HELLS: variants seen among roughly 807,000 people sequenced by gnomAD.
HELLS encodes helicase, lymphoid specific, also known as lymphoid-specific helicase.
HELLS carries 32 observed loss-of-function variants against 120.0 expected under a neutral mutation model. That is an observed-to-expected ratio of 0.27 (90% CI 0.20 to 0.36). HELLS has a LOEUF of 0.36. Ranked by LOEUF, HELLS falls within the 10% of genes least tolerant of loss-of-function variation. HELLS has a pLI of 1.00. For missense variants in HELLS, 650 were observed against 993.4 expected (o/e 0.65, Z 4.65); for synonymous variants, 341 against 323.4 (o/e 1.05, Z -0.58).
At chr10:94,554,835 T>G (rs781283902) in intron 3 of HELLS, among the ~76,000 whole-genome samples, 65 of 152,014 alleles carry the variant, frequency 4.3e-4, no homozygotes, top group African/African-American at 1.6e-3. Flanking sequence ...ATCAATCACG[T>G]CTATGTTATG....
At chr10:94,556,028 C>G (rs889496288) in intron 3 of HELLS, among the ~76,000 whole-genome samples, 1 of 152,146 alleles carries the variant, frequency 6.6e-6, no homozygotes, top group African/African-American at 2.4e-5. Flanking sequence ...TTGTGGGAAC[C>G]CTGATTTATA....
At chr10:94,569,595 G>A (rs983637489) in intron 6 of HELLS, 1 of 151,832 alleles carries the variant, frequency 6.6e-6, no homozygotes, top group Non-Finnish European at 1.5e-5. Context: ...TTAGGGATGG[G>A]GGCTTGCTGT....
chr10:94,578,070 CAAAAAAAAAAA>C (rs58732872), intron 10 of HELLS, among the ~76,000 whole-genome samples: 7 of 60,856 alleles, frequency 1.2e-4, no homozygotes, highest in Admixed American at 2.4e-4. Flanking sequence ...GACTCCGTCT[CAAAAAAAAAAA>C]AAAAAAAAAA....
intron 2 of HELLS, among the ~76,000 whole-genome samples, chr10:94,547,095 T>C (rs556043341): frequency 6.9e-4 from 105 of 152,326 alleles, no homozygotes; most frequent in African/African-American, 2.2e-3. Flanking sequence ...TTGCTGTAGT[T>C]TTCTTGTAGA....
At chr10:94,578,133 TA>T (rs1844613115) in intron 10 of HELLS, among the ~76,000 whole-genome samples, 1 of 149,916 alleles carries the variant, frequency 6.7e-6, no homozygotes, top group South Asian at 2.1e-4. Flanking sequence ...TGCACATGTT[TA>T]ATGGCACAAG....
At position 94,545,925 on chromosome 10, in the gene HELLS, C is replaced by A. The variant is rs1401950747; in HGVS notation, c.4C>A (p.Pro2Thr). The change falls in exon 1 of 22, where the codon CCA becomes ACA. Residue 2 changes from proline to threonine, a missense_variant. Physicochemically the swap from Pro to Thr is conservative, Grantham distance 38. Transcript: ENST00000348459. MPAERPAGSGGS... is the reference protein window; with the variant it reads MTAERPAGSGGS... ...GTTCCCGGGTGAGTGTCCAGGCATGCCAGCGGAACGGCCCGCGGGCAGCGG... is the reference window on the plus strand; with the variant it reads ...GTTCCCGGGTGAGTGTCCAGGCATGACAGCGGAACGGCCCGCGGGCAGCGG... The A allele has an allele frequency of 3.2e-6, 5 of 1,555,580 alleles. No homozygotes were observed. Among genetic ancestry groups the A allele is most frequent in the Non-Finnish European group, 4.4e-6 (5 of 1,149,056 alleles).
At chr10:94,599,659 C>G (rs1845932607) in intron 21 of HELLS, among the ~76,000 whole-genome samples, 1 of 152,082 alleles carries the variant, frequency 6.6e-6, no homozygotes, top group East Asian at 1.9e-4. Context: ...TGCAAGTGGT[C>G]TGGTTTGATT....
At chr10:94,562,756 A>T in intron 5 of HELLS, 29 bp downstream of exon 5, 1 of 1,554,258 alleles carries the variant, frequency 6.4e-7, no homozygotes, top group South Asian at 1.2e-5. Flanking sequence ...GTTTTGAAGA[A>T]TATGCGTTTA....
intron 13 of HELLS, among the ~76,000 whole-genome samples, chr10:94,589,103 G>A (rs1028978469): frequency 6.6e-6 from 1 of 152,092 alleles, no homozygotes; most frequent in Non-Finnish European, 1.5e-5. Flanking sequence ...AGCCAAGATT[G>A]TGCCTTTGCA....
intron 17 of HELLS, among the ~76,000 whole-genome samples, chr10:94,593,105 A>G (rs1166104806): frequency 6.6e-6 from 1 of 152,216 alleles, no homozygotes; most frequent in Non-Finnish European, 1.5e-5. Flanking sequence ...ACAAATGCAT[A>G]TGTAAATTTA....
At chr10:94,564,488 A>G (rs1306411552) in intron 6 of HELLS, among the ~76,000 whole-genome samples, 6 of 152,234 alleles carry the variant, frequency 3.9e-5, no homozygotes, top group African/African-American at 1.4e-4. Flanking sequence ...AACTGAAATC[A>G]TATGCTCTTT....
intron 19 of HELLS, among the ~76,000 whole-genome samples, chr10:94,595,809 A>G (rs1276954678): frequency 6.6e-6 from 1 of 152,238 alleles, no homozygotes; most frequent in Non-Finnish European, 1.5e-5. Flanking sequence ...CCCTAGAGAA[A>G]TGGGAACATG....
chr10:94,563,214 G>T (rs1236724642), intron 6 of HELLS, among the ~76,000 whole-genome samples: 1 of 151,772 alleles, frequency 6.6e-6, no homozygotes, highest in Admixed American at 6.6e-5. Flanking sequence ...TCCTGTCTCA[G>T]CCTCCCAAGT....
intron 10 of HELLS, among the ~76,000 whole-genome samples, chr10:94,578,004 A>G (rs1477867225): frequency 2.8e-5 from 4 of 145,000 alleles, no homozygotes; most frequent in Non-Finnish European, 4.5e-5. Flanking sequence ...CGGAGCTTGC[A>G]GTGAGCCGAG....
intron 4 of HELLS, among the ~76,000 whole-genome samples, chr10:94,559,256 T>C (rs1843428575): frequency 6.6e-6 from 1 of 152,112 alleles, no homozygotes; most frequent in Non-Finnish European, 1.5e-5. Flanking sequence ...TTTTGCGTTT[T>C]TTTGTGCTTT....
chr10:94,580,879 TG>T (rs1844835083), intron 10 of HELLS, among the ~76,000 whole-genome samples: 1 of 152,048 alleles, frequency 6.6e-6, no homozygotes, highest in South Asian at 2.1e-4. Context: ...TGAAAGTGAG[TG>T]GGTGACTTTC....
At chr10:94,597,411 G>A (rs907868491) in intron 21 of HELLS, among the ~76,000 whole-genome samples, 7 of 152,018 alleles carry the variant, frequency 4.6e-5, no homozygotes, top group East Asian at 3.8e-4. Flanking sequence ...CATATTTTTC[G>A]TCATACCAGG....
In HELLS at chr10:94,590,681, C is replaced by T; in HGVS notation, c.1672C>T (p.Leu558=). 1.9e-6 allele frequency: 3 copies of T among 1,611,362 alleles called. No homozygotes were observed. Among genetic ancestry groups the T allele is most frequent in the Non-Finnish European group, 2.5e-6 (3 of 1,178,262 alleles). The part of the protein sequence containing the change: ...VNIPVESEVN[L]KLQNIMMLLR... ...TATCCCTGTAGAATCTGAAGTTAATCTGAAGCTGCAGAATATAATGATGCT... is the reference window on the plus strand; with the variant it reads ...TATCCCTGTAGAATCTGAAGTTAATTTGAAGCTGCAGAATATAATGATGCT... The change falls in exon 15 of 22, where the codon CTG becomes TTG. Residue 558 remains leucine, a synonymous_variant. Transcript: ENST00000348459.
At chr10:94,572,209 A>G (rs1248249343) in intron 7 of HELLS, among the ~76,000 whole-genome samples, 6 of 152,184 alleles carry the variant, frequency 3.9e-5, no homozygotes, top group Non-Finnish European at 8.8e-5. Context: ...GATTTTTAAG[A>G]TAAAGTCTAG....
Sources: allele counts gnomAD v4.1 joint callset (sites outside exome capture counted in the v4.1 genomes callset), GRCh38; gene constraint gnomAD v4.1.1; transcripts MANE v1.5; gene names NCBI Gene and HGNC (gene_info 2026-07-23, HGNC 2026-07-21).